Variants in ETV5 observed in about 807,000 individuals in gnomAD.
The protein encoded by ETV5 is ETS variant transcription factor 5.
A neutral mutation model predicts 70.0 loss-of-function variants in ETV5; 10 were observed. That is an observed-to-expected ratio of 0.14 (90% CI 0.09 to 0.24). The LOEUF (loss-of-function observed/expected upper bound fraction) is 0.24. ETV5 is among the 10% of genes least tolerant of loss of function. The probability of loss-of-function intolerance (pLI) is 1.00; values close to 1 mark genes in which losing one functional copy is unlikely to be tolerated. For missense variants in ETV5, 453 were observed against 651.2 expected (o/e 0.70, Z 3.31); for synonymous variants, 216 against 242.2 (o/e 0.89, Z 1.01).
At chr3:186,077,485 G>A (rs187490205) in intron 7 of ETV5, among the ~76,000 whole-genome samples, 36 of 152,216 alleles carry the variant, frequency 2.4e-4, no homozygotes, top group Non-Finnish European at 4.1e-4. Flanking sequence ...TTTTTGATGC[G>A]TTTTATGTCA....
chr3:186,047,967 C>G lies in ETV5; in HGVS notation c.*672G>C, dbSNP rs901567517. ...AATAAAAGTCATCCACACTCAGCCA[C>G]GTGATTGGGAAGAGAAAGGGGGCTT... On this transcript the variant is annotated 3_prime_UTR_variant, in exon 13 of 13. Transcript: ENST00000306376. 7 of 233,372 alleles carry G rather than the reference C, an allele frequency of 3.0e-5. No individual in the cohort carries two copies. Among genetic ancestry groups the G allele is most frequent in the African/African-American group, 1.5e-4 (7 of 45,402 alleles). The allele number at this position is 233,372 out of a possible 1,614,324, so 14.5% of individuals were successfully genotyped here.
At chr3:186,102,412 C>T (rs1347632852) in intron 5 of ETV5, among the ~76,000 whole-genome samples, 1 of 152,044 alleles carries the variant, frequency 6.6e-6, no homozygotes, top group African/African-American at 2.4e-5. Flanking sequence ...GTGGGCGGAT[C>T]ACCTGAGGTC....
At chr3:186,069,597 C>T (rs1174511496) in intron 7 of ETV5, among the ~76,000 whole-genome samples, 3 of 151,224 alleles carry the variant, frequency 2.0e-5, no homozygotes, top group African/African-American at 4.9e-5. Flanking sequence ...TCGAGTGACT[C>T]GATCTCAGCT....
intron 5 of ETV5, among the ~76,000 whole-genome samples, chr3:186,082,298 C>A (rs890603808): frequency 2.0e-5 from 3 of 152,218 alleles, no homozygotes; most frequent in African/African-American, 7.2e-5. Flanking sequence ...AAATAGCTAA[C>A]TACAGTCAGT....
intron 7 of ETV5, among the ~76,000 whole-genome samples, chr3:186,078,405 A>C (rs1480489645): frequency 6.6e-6 from 1 of 152,136 alleles, no homozygotes; most frequent in Non-Finnish European, 1.5e-5. Flanking sequence ...AACACCAAAA[A>C]ACCATTGAAA....
At chr3:186,056,951 G>T in intron 11 of ETV5, 124 bp downstream of exon 11, 1 of 1,150,236 alleles carries the variant, frequency 8.7e-7, no homozygotes, top group Non-Finnish European at 1.2e-6. Context: ...CCACTGGCCA[G>T]GCCAGAATAT....
chr3:186,067,418 G>A (rs1244356648), intron 7 of ETV5, among the ~76,000 whole-genome samples: 2 of 152,128 alleles, frequency 1.3e-5, no homozygotes, highest in Non-Finnish European at 2.9e-5. Flanking sequence ...GTGACAGAGC[G>A]AGACTCCGTC....
chr3:186,103,691 C>G (rs1714521655), intron 5 of ETV5, among the ~76,000 whole-genome samples: 1 of 150,098 alleles, frequency 6.7e-6, no homozygotes, highest in Admixed American at 6.6e-5. Flanking sequence ...TTTATTTAGT[C>G]TTTCAGTGGC....
rs78550411 is a variant in ETV5, at chr3:186,088,366, A to C, written c.233-7191T>G. Reference sequence around the variant, plus strand: ...TTACACTTGAACAAATATGATGTGGAATGTACACAAATAGTAATGGCCATA... The same window carrying C: ...TTACACTTGAACAAATATGATGTGGCATGTACACAAATAGTAATGGCCATA... On this transcript the variant is annotated intron_variant, in intron 5 of 12. Coordinates refer to ENST00000306376, the MANE Select transcript of ETV5 (RefSeq NM_004454.3). 3.5e-4 allele frequency among the ~76,000 whole-genome samples: 53 copies of C among 152,320 alleles called. No individual in the cohort carries two copies. In the East Asian group the frequency reaches 9.6e-3, roughly 28 times the overall value.
At chr3:186,070,470 A>C (rs980714881) in intron 7 of ETV5, among the ~76,000 whole-genome samples, 8 of 152,216 alleles carry the variant, frequency 5.3e-5, no homozygotes, top group African/African-American at 1.9e-4. Context: ...CATAACTTTA[A>C]GGATGCGCAA....
intron 7 of ETV5, among the ~76,000 whole-genome samples, chr3:186,073,481 G>T (rs933849117): frequency 6.6e-5 from 10 of 152,126 alleles, no homozygotes; most frequent in African/African-American, 2.4e-4. Flanking sequence ...GCAGAGCGGC[G>T]ATTCAACCCC....
At chr3:186,101,569 G>A (rs1714458688) in intron 5 of ETV5, among the ~76,000 whole-genome samples, 1 of 152,196 alleles carries the variant, frequency 6.6e-6, no homozygotes, top group Non-Finnish European at 1.5e-5. Context: ...AGAGAAGTGA[G>A]TGCTGAATTG....
chr3:186,062,074 T>C (rs1713317678), intron 9 of ETV5, among the ~76,000 whole-genome samples: 1 of 152,216 alleles, frequency 6.6e-6, no homozygotes, highest in African/African-American at 2.4e-5. Context: ...TAGATGAATG[T>C]TCATGGAATT....
intron 7 of ETV5, among the ~76,000 whole-genome samples, chr3:186,072,066 C>T (rs2150146650): frequency 6.9e-6 from 1 of 144,704 alleles, no homozygotes; most frequent in African/African-American, 2.5e-5. Flanking sequence ...TCCCAAAGTG[C>T]TAGGATTACA....
At chr3:186,051,916 A>T in intron 12 of ETV5, 114 bp downstream of exon 12, 2 of 937,678 alleles carry the variant, frequency 2.1e-6, no homozygotes, top group Non-Finnish European at 3.4e-6. Context: ...CCACAGAATC[A>T]CTTAGGGGGC....
In ETV5 at chr3:186,105,981, G is replaced by GA; in HGVS notation, c.-74-40dup. 2.1e-6 allele frequency: 3 copies of GA among 1,395,554 alleles called. No individual in the cohort carries two copies. The highest frequency in any genetic ancestry group is 1.4e-5 in the African/African-American group (1 of 69,090). 86.4% of individuals were successfully genotyped at this position (1,395,554 alleles called of 1,614,324 possible). A position where few individuals can be genotyped will look rare whatever the true frequency, so the allele number is the denominator to read the frequency against. The stretch of plus-strand genomic sequence containing the variant: ...TTGGGAGATTTTAACTAAGAGGGGG[G>GA]AAAAAAAGAAATGAAACAATTTTAG... On this transcript the variant is annotated intron_variant, in intron 1 of 12. Coordinates refer to ENST00000306376, the MANE Select transcript of ETV5 (RefSeq NM_004454.3). This position sits in a 1 kb window ranked among gnomAD's most constrained non-coding sequence, Gnocchi z 4.5.
intron 5 of ETV5, among the ~76,000 whole-genome samples, chr3:186,095,550 C>T (rs550749947): frequency 1.3e-5 from 2 of 152,156 alleles, no homozygotes; most frequent in African/African-American, 2.4e-5. Flanking sequence ...TCCCCCAGAA[C>T]CATTCCCTTC....
intron 8 of ETV5, among the ~76,000 whole-genome samples, chr3:186,064,918 T>A (rs1482318515): frequency 2.0e-5 from 3 of 152,118 alleles, no homozygotes; most frequent in East Asian, 1.9e-4. Context: ...GGTGGTCACA[T>A]CTAATTTTGC....
rs371828312 is a variant in ETV5, at chr3:186,053,313, GC to G, written c.1210-1183del. ...GATAGGGTTTCACCATGTTGGCCAG[GC>G]TGGTCACAAACTCCTGACCTCAAGT... On this transcript the variant is annotated intron_variant, in intron 11 of 12. Transcript: ENST00000306376. 1.9e-4 allele frequency among the ~76,000 whole-genome samples: 29 copies of G among 152,210 alleles called. 1 individual carries two copies. The highest frequency in any genetic ancestry group is 7.0e-4 in the African/African-American group (29 of 41,542).
Sources: gnomAD v4.1 joint callset for allele counts (sites outside exome capture counted in the v4.1 genomes callset) on GRCh38, gnomAD v4.1.1 for gene constraint, Gnocchi (gnomAD v3.1) non-coding constraint, MANE v1.5 for transcripts, NCBI Gene and HGNC (gene_info 2026-07-23, HGNC 2026-07-21) for gene names.